Variants in CCDC149 observed in about 807,000 individuals in gnomAD.
CCDC149 encodes the protein coiled-coil domain containing 149.
A neutral mutation model predicts 59.9 loss-of-function variants in CCDC149; 45 were observed. That is an observed-to-expected ratio of 0.75 (90% CI 0.59 to 0.96). CCDC149 has a LOEUF of 0.96. Among genes scored for constraint, CCDC149 ranks in the 40% least tolerant of loss-of-function variants. The probability of loss-of-function intolerance (pLI) is 0.00; values close to 1 mark genes in which losing one functional copy is unlikely to be tolerated. For missense variants in CCDC149, 584 were observed against 664.7 expected (o/e 0.88, Z 1.33); for synonymous variants, 245 against 260.6 (o/e 0.94, Z 0.58).
At chr4:24,884,777 T>C (rs1720057268) in intron 1 of CCDC149, among the ~76,000 whole-genome samples, 2 of 152,238 alleles carry the variant, frequency 1.3e-5, no homozygotes, top group Non-Finnish European at 2.9e-5. Context: ...TAAGAGTTAG[T>C]ATATGTAAAA....
At chr4:24,894,646 A>C in intron 1 of CCDC149, among the ~76,000 whole-genome samples, 1 of 150,918 alleles carries the variant, frequency 6.6e-6, no homozygotes, top group East Asian at 2.0e-4. Context: ...ACAAACAAGC[A>C]CCTTAGTATT....
At chr4:24,819,374 T>C (rs551090333) in intron 12 of CCDC149, among the ~76,000 whole-genome samples, 1 of 152,210 alleles carries the variant, frequency 6.6e-6, no homozygotes, top group Admixed American at 6.5e-5. Context: ...CAGGCTGGAG[T>C]GTGGTGGCAC....
intron 1 of CCDC149, among the ~76,000 whole-genome samples, chr4:24,974,054 G>A (rs1031149145): frequency 6.6e-6 from 1 of 152,198 alleles, no homozygotes. Context: ...AAAGTGGTGC[G>A]CAAATAAACA....
At chr4:24,865,294 G>A (rs376846394) in intron 3 of CCDC149, among the ~76,000 whole-genome samples, 152 of 152,294 alleles carry the variant, frequency 1.0e-3, no homozygotes, top group African/African-American at 3.3e-3. Context: ...ATATAGGAAA[G>A]TACTAGATTA....
At chr4:24,940,015 C>G (rs565256299) in intron 1 of CCDC149, among the ~76,000 whole-genome samples, 69 of 151,882 alleles carry the variant, frequency 4.5e-4, no homozygotes, top group African/African-American at 1.6e-3. Context: ...GCAAGGCAGG[C>G]CAACATTCAA....
At chr4:24,903,826 G>C (rs1055720182) in intron 1 of CCDC149, among the ~76,000 whole-genome samples, 1 of 139,488 alleles carries the variant, frequency 7.2e-6, no homozygotes, top group African/African-American at 2.7e-5. Context: ...TTGAAACAGA[G>C]TTTCGCTCTT....
intron 12 of CCDC149, among the ~76,000 whole-genome samples, chr4:24,811,715 A>G (rs1326906119): frequency 6.6e-6 from 1 of 152,078 alleles, no homozygotes; most frequent in African/African-American, 2.4e-5. Flanking sequence ...TCTACTAAAA[A>G]TACAAAAATT....
chr4:24,893,233 T>C (rs987754667), intron 1 of CCDC149, among the ~76,000 whole-genome samples: 3 of 152,302 alleles, frequency 2.0e-5, no homozygotes, highest in Non-Finnish European at 2.9e-5. Context: ...CATGGAATGA[T>C]GAACCAGAAA....
chr4:24,806,064 G>C (rs1714142481), downstream of CCDC149: 2 of 152,208 alleles, frequency 1.3e-5, no homozygotes, highest in Non-Finnish European at 2.9e-5. Context: ...GTAGGGGACA[G>C]AATGCCACAA....
intron 1 of CCDC149, among the ~76,000 whole-genome samples, chr4:24,885,546 C>T (rs933705051): frequency 6.6e-6 from 1 of 152,204 alleles, no homozygotes; most frequent in African/African-American, 2.4e-5. Context: ...CAGCCTCCGC[C>T]GTGACGGCTG....
At chr4:24,931,515 C>T (rs1722586742) in intron 1 of CCDC149, among the ~76,000 whole-genome samples, 1 of 151,508 alleles carries the variant, frequency 6.6e-6, no homozygotes, top group Admixed American at 6.6e-5. Context: ...GGCTTTCTAA[C>T]ATCTTTAGCT....
intron 1 of CCDC149, among the ~76,000 whole-genome samples, chr4:24,890,218 C>T (rs190823713): frequency 1.3e-5 from 2 of 152,324 alleles, no homozygotes; most frequent in Admixed American, 6.5e-5. Context: ...GAACAGCCAG[C>T]AGCATTTTGA....
In CCDC149 at chr4:24,912,603, A is replaced by T. The variant is rs183349275; in HGVS notation, c.63+214T>A. Among the ~76,000 whole-genome samples, 451 of 152,224 alleles carry T rather than the reference A, an allele frequency of 3.0e-3. 7 individuals carry two copies. The highest frequency in any genetic ancestry group is 0.01 in the African/African-American group (429 of 41,568). On this transcript the variant is annotated intron_variant, in intron 1 of 12. Transcript: ENST00000635206. ...GGAAGGCCCCTCCCCAAAGGCTGAC[A>T]CCAGATGGCGCGGAAGAAAGTGGCG...
At chr4:24,976,990 A>G (rs1240108138) in intron 1 of CCDC149, among the ~76,000 whole-genome samples, 1 of 152,164 alleles carries the variant, frequency 6.6e-6, no homozygotes, top group Non-Finnish European at 1.5e-5. Flanking sequence ...AAACAAACAA[A>G]CAAACCTCAT....
In CCDC149 at chr4:24,887,340, C is replaced by A. The variant is rs55646549; in HGVS notation, c.64-10643G>T. ...CTTGCCAAAGACTCCTGGTCCTTCG[C>A]GATTTTTACTAATGGGATCAGTCTA... On this transcript the variant is annotated intron_variant, in intron 1 of 12. Transcript: ENST00000635206. Among the ~76,000 whole-genome samples, 48 of 152,090 alleles carry A rather than the reference C, an allele frequency of 3.2e-4. No homozygotes were observed. The East Asian group carries it at 8.1e-3, about 26-fold the overall frequency.
Position 24,873,708 on chromosome 4 carries a change from T to C in CCDC149, c.237A>G (p.Pro79=), listed in dbSNP as rs770505619. The change falls in exon 3 of 13, where the codon CCA becomes CCG. Residue 79 remains proline (P), a synonymous_variant. Coordinates refer to ENST00000635206, the MANE Select transcript of CCDC149 (RefSeq NM_001330643.2). ...GTTTCCTTTTTTCAGGAGGAAGTGA[T>C]GGATCTCCATCCTACAAAGAAACAA... 6 of 1,609,796 alleles carry C rather than the reference T, an allele frequency of 3.7e-6. No individual in the cohort carries two copies. The highest frequency in any genetic ancestry group is 5.1e-6 in the Non-Finnish European group (6 of 1,176,662).
intron 12 of CCDC149, among the ~76,000 whole-genome samples, chr4:24,809,921 T>G (rs901337505): frequency 1.3e-5 from 2 of 152,232 alleles, no homozygotes; most frequent in East Asian, 3.8e-4. Flanking sequence ...CATCTGGCCA[T>G]GCCATTTTCC....
At chr4:24,882,366 A>G (rs1255443646) in intron 1 of CCDC149, among the ~76,000 whole-genome samples, 1 of 152,240 alleles carries the variant, frequency 6.6e-6, no homozygotes, top group Non-Finnish European at 1.5e-5. Context: ...TGATCGCAAC[A>G]GGAGTTTTCT....
chr4:24,967,795 A>G (rs11729210), intron 1 of CCDC149, among the ~76,000 whole-genome samples: 75,014 of 151,610 alleles, frequency 0.49, 21,715 homozygotes, highest in Non-Finnish European at 0.66. Flanking sequence ...ATTTGGCAGC[A>G]TGTGGTTGGG....
Sources: allele counts gnomAD v4.1 joint callset (sites outside exome capture counted in the v4.1 genomes callset), GRCh38; gene constraint gnomAD v4.1.1; transcripts MANE v1.5; gene names NCBI Gene and HGNC (gene_info 2026-07-23, HGNC 2026-07-21).